The following COL22A1 variants were observed in gnomAD, a reference collection of about 807,000 sequenced individuals.
The protein encoded by COL22A1 is collagen type XXII alpha 1 chain, also known as collagen alpha-1(XXII) chain.
Under a neutral mutation model 248.9 loss-of-function variants are expected in COL22A1, and 221 were observed. The observed-to-expected ratio is 0.89, with a 90% CI of 0.80 to 0.99. COL22A1 has a LOEUF of 0.99. Among genes scored for constraint, COL22A1 ranks in the 50% least tolerant of loss-of-function variants. The pLI, the probability that COL22A1 is intolerant of heterozygous loss-of-function variation, is 0.00. For missense variants in COL22A1, 2,240 were observed against 2,179.0 expected (o/e 1.03, Z -0.56); for synonymous variants, 891 against 793.4 (o/e 1.12, Z -2.07).
At position 138,799,056 on chromosome 8, in the gene COL22A1, A is replaced by G. The variant is rs553036638; in HGVS notation, c.1558-2199T>C. Among the ~76,000 whole-genome samples, 19 of 152,262 alleles carry G rather than the reference A, an allele frequency of 1.2e-4. No homozygotes were observed. The South Asian group carries it at 3.5e-3, about 28-fold the overall frequency. ...TTTTCTCTGTTCTTCAGATTACATCATCTCTACTGATCTATCTTCAAGAAT... is the reference window on the plus strand; with the variant it reads ...TTTTCTCTGTTCTTCAGATTACATCGTCTCTACTGATCTATCTTCAAGAAT... On this transcript the variant is annotated intron_variant, in intron 11 of 64. Transcript: ENST00000303045.
At chr8:138,805,113 G>A (rs372580784) in intron 10 of COL22A1, among the ~76,000 whole-genome samples, 2,285 of 141,058 alleles carry the variant, frequency 0.016, 47 homozygotes, top group African/African-American at 0.056. Flanking sequence ...GTGTGTGTGT[G>A]ATGGTGTATG....
chr8:138,719,680 G>T (rs1829720646), intron 27 of COL22A1, among the ~76,000 whole-genome samples: 1 of 152,224 alleles, frequency 6.6e-6, no homozygotes, highest in African/African-American at 2.4e-5. Context: ...ATGCCCTGAG[G>T]TATGCCCTCC....
chr8:138,684,349 CTTATAA>C, intron 39 of COL22A1, 70 bp downstream of exon 39: 2 of 928,122 alleles, frequency 2.2e-6, no homozygotes, highest in Middle Eastern at 2.1e-4. Flanking sequence ...ACCGGAGATG[CTTATAA>C]TCAATTTTTC....
Position 138,811,809 on chromosome 8 carries a change from G to A in COL22A1, c.1439C>T (p.Ala480Val), listed in dbSNP as rs770949419. The A allele has an allele frequency of 3.7e-6, 6 of 1,611,912 alleles. No individual in the cohort carries two copies. In the South Asian group the frequency reaches 6.6e-5, roughly 18 times the overall value. The part of the protein sequence containing the change: ...FLKTINCSCP[A>V]GEKGEMGVAG... ...GACTGCAGACAATACCTTCTCTCCA[G>A]CTGGGCAGGAGCAGTTGATGGTCTT... Residue 480 changes from alanine (A) to valine (V), a missense_variant, in exon 9 of 65, where the codon GCT becomes GTT. Transcript: ENST00000303045.
intron 3 of COL22A1, among the ~76,000 whole-genome samples, chr8:138,868,061 C>T (rs748999400): frequency 6.6e-6 from 1 of 152,182 alleles, no homozygotes; most frequent in Non-Finnish European, 1.5e-5. Context: ...CCGCACCCGG[C>T]CTATTGTCTT....
chr8:138,790,262 C>T (rs923596473), intron 12 of COL22A1, among the ~76,000 whole-genome samples: 27 of 152,138 alleles, frequency 1.8e-4, no homozygotes, highest in African/African-American at 4.8e-4. Context: ...AAAGGACAAA[C>T]GGGCTCTCTG....
chr8:138,866,907 G>C (rs1225136046), intron 3 of COL22A1, among the ~76,000 whole-genome samples: 1 of 152,158 alleles, frequency 6.6e-6, no homozygotes, highest in Non-Finnish European at 1.5e-5. Flanking sequence ...GAAGAGAAGA[G>C]AGACCCTCTA....
In COL22A1 at chr8:138,690,830, T is replaced by C; in HGVS notation, c.2799A>G (p.Pro933=). ...TCTCCCAATTACTCACCACACTTCCTGGAGGGCCACTGGGACCGGGGGCAC... is the reference window on the plus strand; with the variant it reads ...TCTCCCAATTACTCACCACACTTCCCGGAGGGCCACTGGGACCGGGGGCAC... The part of the protein sequence containing the change: ...HVGAPGPSGP[P]GSVGAPGLRG... Residue 933 remains proline (P), a synonymous_variant, in exon 36 of 65, where the codon CCA becomes CCG. Transcript: ENST00000303045. 6.2e-7 allele frequency: 1 copy of C among 1,609,900 alleles called. No individual in the cohort carries two copies. The highest frequency in any genetic ancestry group is 8.5e-7 in the Non-Finnish European group (1 of 1,178,248).
chr8:138,772,981 C>T (rs111382930), intron 16 of COL22A1, among the ~76,000 whole-genome samples: 2,909 of 152,334 alleles, frequency 0.019, 86 homozygotes, highest in African/African-American at 0.065. Flanking sequence ...CTCTGCAAAG[C>T]CCCGGCGCCG....
intron 56 of COL22A1, among the ~76,000 whole-genome samples, chr8:138,612,489 C>A (rs910106923): frequency 6.6e-5 from 10 of 152,142 alleles, no homozygotes; most frequent in African/African-American, 2.4e-4. Flanking sequence ...TTGTGCCCCC[C>A]CCAAATTTTT....
At chr8:138,698,768 G>A (rs780981128) in intron 32 of COL22A1, among the ~76,000 whole-genome samples, 3 of 151,618 alleles carry the variant, frequency 2.0e-5, no homozygotes, top group African/African-American at 7.3e-5. Context: ...CATGCAGTAA[G>A]TACCCGCCCT....
chr8:138,610,803 C>A (rs1245489434), intron 56 of COL22A1, among the ~76,000 whole-genome samples: 1 of 152,208 alleles, frequency 6.6e-6, no homozygotes, highest in African/African-American at 2.4e-5. Flanking sequence ...GTGGCTTACA[C>A]CTATAATTTC....
intron 41 of COL22A1, among the ~76,000 whole-genome samples, chr8:138,669,694 A>G (rs1564171297): frequency 6.6e-6 from 1 of 152,276 alleles, no homozygotes; most frequent in East Asian, 1.9e-4. Flanking sequence ...ACCTTACTGG[A>G]CTGCCGGGAA....
chr8:138,697,741 C>T (rs1328712229), intron 32 of COL22A1, among the ~76,000 whole-genome samples: 1 of 152,236 alleles, frequency 6.6e-6, no homozygotes, highest in Admixed American at 6.5e-5. Flanking sequence ...CCAGCCTCTT[C>T]CTGCACTGCA....
chr8:138,640,965 C>T (rs1821634122), intron 47 of COL22A1, among the ~76,000 whole-genome samples: 1 of 152,200 alleles, frequency 6.6e-6, no homozygotes. Flanking sequence ...TTGTTGGCTT[C>T]CTGCCTCCAT....
intron 39 of COL22A1, among the ~76,000 whole-genome samples, chr8:138,682,235 C>T (rs1469918857): frequency 6.6e-6 from 1 of 150,554 alleles, no homozygotes; most frequent in Non-Finnish European, 1.5e-5. Context: ...GCATGCATTC[C>T]AGAAGTGTTG....
chr8:138,649,678 G>A lies in COL22A1; in HGVS notation c.3434C>T (p.Thr1145Ile), dbSNP rs1327040502. ...GVPGKPGREG[T>I]EGKKGEAGPP... ...TTTTCTCCTTACCTTTTTCCCTTCT[G>A]TGCCTTCTCTCCCTGGCTTTCCTGG... is the stretch of plus-strand genomic sequence containing the variant. The change falls in exon 46 of 65, where the codon ACA becomes ATA. Residue 1145 changes from threonine (T) to isoleucine (I), a missense_variant. Transcript: ENST00000303045. 1.9e-6 allele frequency: 3 copies of A among 1,612,704 alleles called. No individual in the cohort carries two copies. The highest frequency in any genetic ancestry group is 2.2e-5 in the East Asian group (1 of 44,854).
intron 30 of COL22A1, among the ~76,000 whole-genome samples, chr8:138,708,334 TC>T (rs1176670509): frequency 6.6e-6 from 1 of 152,092 alleles, no homozygotes; most frequent in Non-Finnish European, 1.5e-5. Context: ...GCCAAGACAA[TC>T]CTAAGCCAAA....
intron 47 of COL22A1, among the ~76,000 whole-genome samples, chr8:138,643,331 A>G (rs1387238527): frequency 1.3e-5 from 2 of 152,146 alleles, no homozygotes; most frequent in South Asian, 2.1e-4. Context: ...TGTCAAAACC[A>G]TCTAAATCTT....
Sources: gnomAD v4.1 joint callset for allele counts (sites outside exome capture counted in the v4.1 genomes callset) on GRCh38, gnomAD v4.1.1 for gene constraint, MANE v1.5 for transcripts, NCBI Gene and HGNC (gene_info 2026-07-23, HGNC 2026-07-21) for gene names.